Variants in CDKAL1 observed in about 807,000 individuals in gnomAD.
The protein encoded by CDKAL1 is CDKAL1 threonylcarbamoyladenosine tRNA methylthiotransferase, also known as threonylcarbamoyladenosine tRNA methylthiotransferase.
CDKAL1 carries 32 observed loss-of-function variants against 68.2 expected under a neutral mutation model. That is an observed-to-expected ratio of 0.47 (90% CI 0.35 to 0.63). The LOEUF is 0.63. Ranked by LOEUF, CDKAL1 falls within the 30% of genes least tolerant of loss-of-function variation. The pLI is 0.00. For synonymous variants in CDKAL1, 234 were observed against 244.3 expected, an observed-to-expected ratio of 0.96 and a Z score of 0.39; for missense variants, 606 against 696.7, an observed-to-expected ratio of 0.87 and a Z score of 1.47.
chr6:21,058,779 C>T (rs1413022236), intron 11 of CDKAL1, among the ~76,000 whole-genome samples: 3 of 152,182 alleles, frequency 2.0e-5, no homozygotes, highest in African/African-American at 7.2e-5. Flanking sequence ...GCTGCCTGCT[C>T]CTTCATCTTG....
At chr6:20,845,942 T>A in intron 8 of CDKAL1, 133 bp from the exon 9 acceptor site, 1 of 523,754 alleles carries the variant, frequency 1.9e-6, no homozygotes, top group South Asian at 3.4e-5. Flanking sequence ...AGATACTTGG[T>A]TTTTGAATCT....
intron 5 of CDKAL1, among the ~76,000 whole-genome samples, chr6:20,654,684 T>C (rs1228722291): frequency 6.6e-6 from 1 of 152,202 alleles, no homozygotes; most frequent in Non-Finnish European, 1.5e-5. Context: ...TAACCAATTG[T>C]TTCAGTATCA....
intron 10 of CDKAL1, among the ~76,000 whole-genome samples, chr6:20,997,635 C>G (rs1450852555): frequency 6.6e-6 from 1 of 152,128 alleles, no homozygotes; most frequent in African/African-American, 2.4e-5. Context: ...AAAGTTTCAT[C>G]TAGCTCAGTA....
intron 15 of CDKAL1, among the ~76,000 whole-genome samples, chr6:21,205,296 C>T (rs1284041573): frequency 5.9e-5 from 9 of 151,852 alleles, no homozygotes; most frequent in African/African-American, 2.2e-4. Context: ...TCCCTGCTCT[C>T]AATTCTTTTG....
At chr6:20,762,325 GT>G (rs956015549) in intron 7 of CDKAL1, among the ~76,000 whole-genome samples, 10 of 152,178 alleles carry the variant, frequency 6.6e-5, no homozygotes, top group Non-Finnish European at 2.9e-5. Flanking sequence ...TCATTGGCAG[GT>G]TTGGTTAGAG....
intron 4 of CDKAL1, among the ~76,000 whole-genome samples, chr6:20,570,373 A>T (rs574063126): frequency 4.3e-4 from 65 of 151,846 alleles, no homozygotes; most frequent in African/African-American, 1.5e-3. Context: ...AAGTGCTGGG[A>T]TTACAGGGGT....
At chr6:20,658,572 G>A (rs185468942) in intron 5 of CDKAL1, among the ~76,000 whole-genome samples, 2 of 130,724 alleles carry the variant, frequency 1.5e-5, no homozygotes, top group African/African-American at 6.2e-5. Flanking sequence ...TATTGTTTAT[G>A]TAGATTTATT....
intron 13 of CDKAL1, among the ~76,000 whole-genome samples, chr6:21,168,809 G>T (rs1167236686): frequency 6.6e-6 from 1 of 152,120 alleles, no homozygotes; most frequent in African/African-American, 2.4e-5. Flanking sequence ...ATATTTTTCT[G>T]TATTTTTGTC....
At chr6:20,668,488 C>T (rs929811068) in intron 5 of CDKAL1, among the ~76,000 whole-genome samples, 32 of 152,138 alleles carry the variant, frequency 2.1e-4, no homozygotes, top group African/African-American at 5.8e-4. Flanking sequence ...TGTGCTACTG[C>T]GCCAGCTTAT....
chr6:21,046,355 T>C (rs1223583983), intron 11 of CDKAL1, among the ~76,000 whole-genome samples: 3 of 152,342 alleles, frequency 2.0e-5, no homozygotes, highest in South Asian at 2.1e-4. Context: ...ACCACCAGCA[T>C]TCAAGCCATA....
At position 21,123,022 on chromosome 6, in the gene CDKAL1, G is replaced by A. The variant is rs1394573853; in HGVS notation, c.1299+14559G>A. On this transcript the variant is annotated intron_variant, in intron 13 of 15. Transcript: ENST00000274695. ...TGTACATTTGTATGTGTATATATAT[G>A]TGTATGTATAGATGTACATGCTGTG... Among the ~76,000 whole-genome samples, 3 of 152,124 alleles carry A rather than the reference G, an allele frequency of 2.0e-5. No individual in the cohort carries two copies. The East Asian group carries it at 5.8e-4, about 29-fold the overall frequency.
chr6:20,675,180 C>T (rs1445043754), intron 5 of CDKAL1, among the ~76,000 whole-genome samples: 1 of 151,862 alleles, frequency 6.6e-6, no homozygotes, highest in Non-Finnish European at 1.5e-5. Flanking sequence ...TCTTTTTCTA[C>T]TTTGGGCATC....
At chr6:20,955,390 A>T in intron 9 of CDKAL1, 29 bp from the exon 10 acceptor site, 1 of 1,611,914 alleles carries the variant, frequency 6.2e-7, no homozygotes, top group South Asian at 1.1e-5. Flanking sequence ...TCTGCCACAG[A>T]TTTGTTAATT....
intron 8 of CDKAL1, among the ~76,000 whole-genome samples, chr6:20,810,472 C>T (rs1287154174): frequency 6.8e-6 from 1 of 146,422 alleles, no homozygotes; most frequent in Admixed American, 7.0e-5. Flanking sequence ...CACCTGTTGC[C>T]TGTGGTCTTA....
At position 20,769,172 on chromosome 6, in the gene CDKAL1, A is replaced by G. The variant is rs191113629; in HGVS notation, c.517+10529A>G. 2.3e-3 allele frequency among the ~76,000 whole-genome samples: 348 copies of G among 151,970 alleles called. 2 individuals are homozygous for G. Among genetic ancestry groups the G allele is most frequent in the Admixed American group, 6.0e-3 (92 of 15,260 alleles). ...ACTCACACCCGGGAAAGTACATCAC[A>G]ATGCAAATGAGTGACTTCACAGGGG... On this transcript the variant is annotated intron_variant, in intron 7 of 15. Transcript: ENST00000274695.
chr6:20,740,266 G>C (rs937001214), intron 6 of CDKAL1, among the ~76,000 whole-genome samples: 1 of 152,068 alleles, frequency 6.6e-6, no homozygotes, highest in Admixed American at 6.6e-5. Flanking sequence ...CACTCAATAA[G>C]TGTTTGTTGA....
chr6:20,989,635 T>C (rs1326090718), intron 10 of CDKAL1, among the ~76,000 whole-genome samples: 1 of 152,214 alleles, frequency 6.6e-6, no homozygotes, highest in Non-Finnish European at 1.5e-5. Flanking sequence ...AGCTATTGAT[T>C]CGTTCTGTTG....
chr6:20,764,059 A>T (rs1774587581), intron 7 of CDKAL1, among the ~76,000 whole-genome samples: 2 of 152,104 alleles, frequency 1.3e-5, no homozygotes, highest in African/African-American at 4.8e-5. Flanking sequence ...GTCTTGGCTC[A>T]TATGGTCATT....
intron 13 of CDKAL1, among the ~76,000 whole-genome samples, chr6:21,155,110 T>C (rs939963101): frequency 2.0e-5 from 3 of 152,212 alleles, no homozygotes; most frequent in Non-Finnish European, 2.9e-5. Flanking sequence ...TTTAGAATAT[T>C]TACCACATTT....
Sources: allele counts gnomAD v4.1 joint callset (sites outside exome capture counted in the v4.1 genomes callset), GRCh38; gene constraint gnomAD v4.1.1; transcripts MANE v1.5; gene names NCBI Gene and HGNC (gene_info 2026-07-23, HGNC 2026-07-21).